Variants in MGAT4C observed in about 807,000 individuals in gnomAD.
MGAT4C encodes the protein alpha-1,3-mannosyl-glycoprotein 4-beta-N-acetylglucosaminyltransferase C.
MGAT4C carries 19 observed loss-of-function variants against 40.1 expected under a neutral mutation model. That is an observed-to-expected ratio of 0.47 (90% confidence interval 0.33 to 0.70). The LOEUF is 0.70. MGAT4C is among the 30% of genes least tolerant of loss of function. The probability of loss-of-function intolerance (pLI) is 0.02; values close to 1 mark genes in which losing one functional copy is unlikely to be tolerated. For missense variants in MGAT4C, 491 were observed against 563.2 expected (o/e 0.87, Z 1.30); for synonymous variants, 181 against 187.1 (o/e 0.97, Z 0.27).
chr12:86,361,097 T>C (rs1294581431), intron 3 of MGAT4C, among the ~76,000 whole-genome samples: 1 of 152,144 alleles, frequency 6.6e-6, no homozygotes, highest in Non-Finnish European at 1.5e-5. Context: ...ACTACAAGGC[T>C]ATAGCAACCA....
chr12:86,351,419 A>G (rs1404857277), intron 3 of MGAT4C, among the ~76,000 whole-genome samples: 4 of 152,044 alleles, frequency 2.6e-5, no homozygotes, highest in Non-Finnish European at 5.9e-5. Flanking sequence ...AAACTTGCCT[A>G]AAGTAGAACT....
intron 2 of MGAT4C, among the ~76,000 whole-genome samples, chr12:86,640,534 T>C (rs1963350533): frequency 6.6e-6 from 1 of 152,016 alleles, no homozygotes; most frequent in Non-Finnish European, 1.5e-5. Flanking sequence ...TCAATTTAGT[T>C]GATCCTTTCA....
chr12:85,984,997 C>T (rs997831468), intron 3 of MGAT4C, among the ~76,000 whole-genome samples: 14 of 152,160 alleles, frequency 9.2e-5, no homozygotes, highest in Non-Finnish European at 2.1e-4. Flanking sequence ...CCAAGCTCGT[C>T]TCAAACTCCT....
At chr12:86,641,517 A>C (rs1390435836) in intron 2 of MGAT4C, among the ~76,000 whole-genome samples, 1 of 151,606 alleles carries the variant, frequency 6.6e-6, no homozygotes, top group Non-Finnish European at 1.5e-5. Context: ...CTTAAAGTAT[A>C]ATAATAATAA....
intron 3 of MGAT4C, among the ~76,000 whole-genome samples, chr12:86,365,872 C>T (rs186525396): frequency 2.0e-4 from 30 of 152,152 alleles, no homozygotes; most frequent in Middle Eastern, 3.4e-3. Flanking sequence ...GCTATTTCAG[C>T]ACTGTTTTAG....
At chr12:86,080,600 T>C (rs928172726) in intron 1 of MGAT4C, among the ~76,000 whole-genome samples, 7 of 152,050 alleles carry the variant, frequency 4.6e-5, no homozygotes, top group Non-Finnish European at 8.8e-5. Flanking sequence ...CACACACACA[T>C]GCACACGCAC....
At chr12:86,261,853 C>T (rs915386035) in intron 4 of MGAT4C, among the ~76,000 whole-genome samples, 4 of 152,104 alleles carry the variant, frequency 2.6e-5, no homozygotes, top group African/African-American at 9.6e-5. Flanking sequence ...AACATCCCTC[C>T]CCCACCACAT....
rs144545384 is a variant in MGAT4C, at chr12:86,093,683, G to A, written c.-56-43960C>T. On this transcript the variant is annotated intron_variant, in intron 1 of 4. Coordinates refer to ENST00000611864, the MANE Select transcript of MGAT4C (RefSeq NM_001351288.2). ...GTGGAGGCTGCAGTGAGCTATGATCGCACCACTGCACTCTAGCCTGGGCAA... is the reference window on the plus strand; with the variant it reads ...GTGGAGGCTGCAGTGAGCTATGATCACACCACTGCACTCTAGCCTGGGCAA... Among the ~76,000 whole-genome samples the A allele has an allele frequency of 5.6e-3, 851 of 151,956 alleles. 10 individuals carry two copies. Among genetic ancestry groups the A allele is most frequent in the African/African-American group, 0.019 (807 of 41,444 alleles).
chr12:86,250,330 T>TGAGAGAGAGAGAGA (rs3047014), intron 1 of MGAT4C, among the ~76,000 whole-genome samples: 22 of 142,922 alleles, frequency 1.5e-4, no homozygotes, highest in African/African-American at 5.2e-4. Flanking sequence ...ACACACACAC[T>TGAGAGAGAGAGAGA]GAGAGAGAGA....
At chr12:86,580,170 C>G (rs1960722660) in intron 2 of MGAT4C, among the ~76,000 whole-genome samples, 1 of 151,370 alleles carries the variant, frequency 6.6e-6, no homozygotes, top group African/African-American at 2.4e-5. Flanking sequence ...AACTTGACCT[C>G]TGTAATATCT....
At chr12:86,501,759 G>A (rs1291653939) in intron 2 of MGAT4C, among the ~76,000 whole-genome samples, 1 of 151,994 alleles carries the variant, frequency 6.6e-6, no homozygotes, top group Non-Finnish European at 1.5e-5. Context: ...GGGGGTTTGG[G>A]TTGATTCCAT....
At chr12:86,765,613 A>G (rs930061959) in intron 1 of MGAT4C, among the ~76,000 whole-genome samples, 5 of 152,240 alleles carry the variant, frequency 3.3e-5, no homozygotes, top group African/African-American at 1.2e-4. Context: ...GGGCAGCCAG[A>G]GAGAAAGGTC....
intron 2 of MGAT4C, among the ~76,000 whole-genome samples, chr12:86,675,027 T>C (rs1964355759): frequency 6.6e-6 from 1 of 152,188 alleles, no homozygotes; most frequent in South Asian, 2.1e-4. Context: ...TCATTCGTTT[T>C]TTTGTCCTTA....
At position 86,013,721 on chromosome 12, in the gene MGAT4C, A is replaced by C. The variant is rs913226945; in HGVS notation, c.-6-24169T>G. 3.0e-6 allele frequency: 3 copies of C among 985,024 alleles called. No homozygotes were observed. The African/African-American group carries it at 5.2e-5, about 17-fold the overall frequency. 61.0% of individuals were successfully genotyped at this position (985,024 alleles called of 1,614,324 possible). The stretch of plus-strand genomic sequence containing the variant: ...TGTTTACAAACCACCAACAAAAAGA[A>C]CATACGGCTTTTCTAGTGTCAGTCA... On this transcript the variant is annotated intron_variant, in intron 2 of 4. Coordinates refer to ENST00000611864, the MANE Select transcript of MGAT4C (RefSeq NM_001351288.2).
At chr12:86,171,126 C>A (rs534058176) in intron 1 of MGAT4C, among the ~76,000 whole-genome samples, 2 of 140,444 alleles carry the variant, frequency 1.4e-5, no homozygotes, top group Non-Finnish European at 3.2e-5. Context: ...AATCCCAGCA[C>A]TTTGGGAGGC....
At chr12:86,618,474 C>T (rs1334665698) in intron 2 of MGAT4C, among the ~76,000 whole-genome samples, 1 of 152,094 alleles carries the variant, frequency 6.6e-6, no homozygotes, top group Admixed American at 6.6e-5. Context: ...TATAAATACA[C>T]AACTGAATAC....
intron 2 of MGAT4C, among the ~76,000 whole-genome samples, chr12:86,602,542 T>C (rs915593920): frequency 1.3e-5 from 2 of 152,076 alleles, no homozygotes; most frequent in Admixed American, 1.3e-4. Flanking sequence ...CATAAGAAAA[T>C]TGTTAATAGA....
intron 2 of MGAT4C, among the ~76,000 whole-genome samples, chr12:86,653,956 T>A (rs991620016): frequency 6.6e-6 from 1 of 152,048 alleles, no homozygotes; most frequent in South Asian, 2.1e-4. Flanking sequence ...AGAAATTGAA[T>A]AAGAAATGTG....
chr12:86,110,192 G>A (rs1326990133), intron 1 of MGAT4C, among the ~76,000 whole-genome samples: 1 of 132,606 alleles, frequency 7.5e-6, no homozygotes, highest in Admixed American at 7.8e-5. Context: ...AATAATAGTG[G>A]CAATGGAAGT....
Sources: allele counts gnomAD v4.1 joint callset (sites outside exome capture counted in the v4.1 genomes callset), GRCh38; gene constraint gnomAD v4.1.1; transcripts MANE v1.5; gene names NCBI Gene and HGNC (gene_info 2026-07-23, HGNC 2026-07-21).